TSHR: variants seen among roughly 807,000 people sequenced by gnomAD.
The protein encoded by TSHR is thyroid stimulating hormone receptor.
In TSHR, 51 loss-of-function variants were observed where a neutral mutation model predicts 64.1. The ratio of observed to expected loss-of-function variants is 0.80; its 90% CI spans 0.64 to 1.01. The LOEUF is 1.01. TSHR is among the 50% of genes least tolerant of loss of function. TSHR has a pLI of 0.00. For missense variants in TSHR, 877 were observed against 942.8 expected, an observed-to-expected ratio of 0.93 and a Z score of 0.91; for synonymous variants, 361 against 361.9, an observed-to-expected ratio of 1.00 and a Z score of 0.03.
intron 2 of TSHR, among the ~76,000 whole-genome samples, chr14:81,067,889 A>T (rs1886750375): frequency 7.0e-6 from 1 of 142,644 alleles, no homozygotes; most frequent in South Asian, 2.2e-4. Flanking sequence ...ATGAAGAGAA[A>T]ACCTCAATTC....
chr14:80,979,786 A>G (rs979002969), intron 1 of TSHR, among the ~76,000 whole-genome samples: 6 of 152,212 alleles, frequency 3.9e-5, no homozygotes, highest in African/African-American at 1.4e-4. Context: ...TAGTCTAAAT[A>G]TATCTTGAAT....
chr14:81,097,780 G>C (rs1016374884), intron 7 of TSHR, among the ~76,000 whole-genome samples: 2 of 152,176 alleles, frequency 1.3e-5, no homozygotes, highest in African/African-American at 4.8e-5. Flanking sequence ...AAGGCTCCCT[G>C]AGTTCTGTTT....
intron 1 of TSHR, chr14:81,053,554 C>T (rs905336301): frequency 2.0e-5 from 3 of 152,146 alleles, no homozygotes; most frequent in Non-Finnish European, 2.9e-5. Context: ...CAAGTTAAAA[C>T]ACTGATAACA....
chr14:81,143,356 T>A lies in TSHR; in HGVS notation c.1298T>A (p.Val433Asp), dbSNP rs1214136718. Residue 433 changes from valine (V) to aspartate (D), a missense_variant, in exon 10 of 10, where the codon GTC becomes GAC. Val to Asp is a radical substitution (Grantham distance 152, BLOSUM62 -3). Transcript: ENST00000298171. ...FVSLLALLGN[V>D]FVLLILLTSH... ...AGTCTGCTGGCTCTCCTGGGCAATG[T>A]CTTTGTCCTGCTTATTCTCCTCACC... The A allele has an allele frequency of 6.2e-7, 1 of 1,614,204 alleles. No individual in the cohort carries two copies. The highest frequency in any genetic ancestry group is 8.5e-7 in the Non-Finnish European group (1 of 1,180,044).
Position 81,073,014 on chromosome 14 carries a change from A to T in TSHR, c.317+4686A>T, listed in dbSNP as rs1406922594. Among the ~76,000 whole-genome samples, 4 of 79,646 alleles carry T rather than the reference A, an allele frequency of 5.0e-5. 1 individual carries two copies. Among genetic ancestry groups the T allele is most frequent in the African/African-American group, 2.8e-4 (4 of 14,082 alleles). 52.3% of individuals were successfully genotyped at this position (79,646 alleles called of 152,430 possible). A position where few individuals can be genotyped will look rare whatever the true frequency, so the allele number is the denominator to read the frequency against. On this transcript the variant is annotated intron_variant, in intron 3 of 9. Coordinates refer to ENST00000298171, the MANE Select transcript of TSHR (RefSeq NM_000369.5). ...TCCGTCTCAAAAAAAAAAAAAAATA[A>T]AAAATAAATATATATATATATATAT...
intron 1 of TSHR, among the ~76,000 whole-genome samples, chr14:81,055,965 G>A (rs907693834): frequency 2.0e-5 from 3 of 152,144 alleles, no homozygotes; most frequent in African/African-American, 4.8e-5. Context: ...TTTGGGAGGA[G>A]CCAGGGTGGA....
At chr14:81,053,470 T>C (rs867765189) in intron 1 of TSHR, 5 of 152,350 alleles carry the variant, frequency 3.3e-5, no homozygotes, top group Middle Eastern at 3.4e-3. Flanking sequence ...TAGCTGTGCA[T>C]TTCTCCAAAT....
rs1230091225 is a variant in TSHR, at chr14:81,092,595, G to A, written c.532G>A (p.Glu178Lys). Residue 178 changes from glutamate (E) to lysine (K), a missense_variant, in exon 6 of 10, where the codon GAA becomes AAA. Physicochemically the swap from Glu to Lys is moderately conservative, Grantham distance 56. Transcript: ENST00000298171. ...PVNAFQGLCN[E>K]TLTLKLYNNG... ...GAATGCTTTTCAGGGACTATGCAAT[G>A]AAACCTTGACACTGTGAGTATTACC... The A allele has an allele frequency of 6.2e-7, 1 of 1,613,978 alleles. No homozygotes were observed. Among genetic ancestry groups the A allele is most frequent in the South Asian group, 1.1e-5 (1 of 91,074 alleles).
chr14:80,964,105 G>A (rs893156085), intron 1 of TSHR, among the ~76,000 whole-genome samples: 27 of 152,278 alleles, frequency 1.8e-4, no homozygotes, highest in African/African-American at 5.8e-4. Context: ...GGTGGCTCAC[G>A]CCTGTAATCT....
Position 81,108,427 on chromosome 14 carries a change from G to A in TSHR, c.667G>A (p.Gly223Arg), listed in dbSNP as rs776455236. 1 of 1,613,364 alleles carries A rather than the reference G, an allele frequency of 6.2e-7. No individual in the cohort carries two copies. The highest frequency in any genetic ancestry group is 1.7e-5 in the Admixed American group (1 of 59,982). Residue 223 changes from glycine to arginine, a missense_variant, in exon 8 of 10, where the codon GGA becomes AGA. By Grantham distance (125) the Gly-to-Arg change is moderately radical. Transcript: ENST00000298171. ...AGTTATTGACAAAGATGCATTTGGA[G>A]GAGTATACAGTGGACCAAGCTTGCT... The part of the protein sequence containing the change: ...LTVIDKDAFG[G>R]VYSGPSLLDV...
intron 1 of TSHR, among the ~76,000 whole-genome samples, chr14:81,024,244 TTTTG>T (rs1274123060): frequency 1.3e-5 from 2 of 151,988 alleles, no homozygotes; most frequent in Admixed American, 6.6e-5. Context: ...CATGGTTTTT[TTTTG>T]TTTGTTTGTT....
At chr14:80,979,516 G>T (rs944824236) in intron 1 of TSHR, among the ~76,000 whole-genome samples, 2 of 152,146 alleles carry the variant, frequency 1.3e-5, no homozygotes, top group African/African-American at 4.8e-5. Flanking sequence ...TAGAAGAGAT[G>T]ATGTTGAATG....
intron 1 of TSHR, among the ~76,000 whole-genome samples, chr14:81,009,723 T>G (rs1311212208): frequency 6.6e-6 from 1 of 152,126 alleles, no homozygotes; most frequent in Non-Finnish European, 1.5e-5. Flanking sequence ...GTTTATATTT[T>G]TGGCTATCTA....
At chr14:81,074,057 T>C (rs1023013905) in intron 3 of TSHR, among the ~76,000 whole-genome samples, 1 of 152,168 alleles carries the variant, frequency 6.6e-6, no homozygotes, top group Non-Finnish European at 1.5e-5. Context: ...CAGTTGTTAT[T>C]TATAAGTTTT....
rs75670799 is a variant in TSHR, at chr14:81,087,769, C to T, written c.318-185C>T. On this transcript the variant is annotated intron_variant, in intron 3 of 9. Transcript: ENST00000298171. The stretch of plus-strand genomic sequence containing the variant: ...AAGAGCTGAGCAGCCATTGGGTCCC[C>T]GTGAGGAGACAGGAGTAGTTTGTCA... 4.2e-3 allele frequency: 2,804 copies of T among 665,422 alleles called. 49 individuals carry two copies. The highest frequency in any genetic ancestry group is 0.04 in the African/African-American group (2,226 of 56,274). 41.2% of individuals were successfully genotyped at this position (665,422 alleles called of 1,614,324 possible).
chr14:81,064,782 G>A (rs2139899666), intron 2 of TSHR, among the ~76,000 whole-genome samples: 1 of 152,244 alleles, frequency 6.6e-6, no homozygotes, highest in Admixed American at 6.5e-5. Flanking sequence ...AAACAACTGG[G>A]TGTAACTGGG....
At chr14:81,080,534 C>T (rs569966458) in intron 3 of TSHR, among the ~76,000 whole-genome samples, 8 of 152,146 alleles carry the variant, frequency 5.3e-5, no homozygotes, top group African/African-American at 1.9e-4. Flanking sequence ...CTTCAATGTG[C>T]TTTAAAAATC....
At chr14:81,035,230 T>C (rs2139830473) in intron 1 of TSHR, among the ~76,000 whole-genome samples, 1 of 152,196 alleles carries the variant, frequency 6.6e-6, no homozygotes, top group Admixed American at 6.6e-5. Context: ...TTCTGGGAAA[T>C]AATACACAGT....
At chr14:81,038,379 A>C (rs979208096) in intron 1 of TSHR, among the ~76,000 whole-genome samples, 12 of 151,942 alleles carry the variant, frequency 7.9e-5, no homozygotes, top group Non-Finnish European at 1.6e-4. Flanking sequence ...TACATCAAAA[A>C]AATAGAAAGA....
Sources: allele counts gnomAD v4.1 joint callset (sites outside exome capture counted in the v4.1 genomes callset), GRCh38; gene constraint gnomAD v4.1.1; transcripts MANE v1.5; gene names NCBI Gene and HGNC (gene_info 2026-07-23, HGNC 2026-07-21).